LUC7L3: variants seen among roughly 807,000 people sequenced by gnomAD.
LUC7L3 encodes luc7-like protein 3.
Under a neutral mutation model 66.8 loss-of-function variants are expected in LUC7L3, and 6 were observed. That is an observed-to-expected ratio of 0.09 (90% CI 0.05 to 0.18). The LOEUF (loss-of-function observed/expected upper bound fraction) is 0.18. Among genes scored for constraint, LUC7L3 ranks in the 10% least tolerant of loss-of-function variants. LUC7L3 has a pLI of 1.00. For synonymous variants in LUC7L3, 160 were observed against 174.7 expected (o/e 0.92, Z 0.66); for missense variants, 341 against 531.1 (o/e 0.64, Z 3.52).
rs372039139 is a variant in LUC7L3 at position 50,736,945 on chromosome 17, G to T, written c.100-15G>T. The stretch of plus-strand genomic sequence containing the variant: ...ACCAAGCAATTTTTTAAGTACCTTT[G>T]TTTTTCTTTACTAGGTTTGTAAATA... On this transcript the variant is annotated splice_polypyrimidine_tract_variant and intron_variant, in intron 1 of 9. Coordinates refer to ENST00000505658, the MANE Select transcript of LUC7L3 (RefSeq NM_016424.5). The T allele has an allele frequency of 4.4e-6, 7 of 1,581,576 alleles. No individual in the cohort carries two copies. In the African/African-American group the frequency reaches 9.4e-5, roughly 21 times the overall value.
At position 50,740,960 on chromosome 17, in the gene LUC7L3, G is replaced by A. The variant is rs190047990; in HGVS notation, c.207-142G>A. ...CCTGTGTAAAGCTCTATGATGAGGG[G>A]CAATCAGAAAGTCACTTCAAATACA... On this transcript the variant is annotated intron_variant, in intron 3 of 9. Coordinates refer to ENST00000505658, the MANE Select transcript of LUC7L3 (RefSeq NM_016424.5). 7.7e-5 allele frequency: 59 copies of A among 762,806 alleles called. No individual in the cohort carries two copies. In the African/African-American group the frequency reaches 1.0e-3, roughly 13 times the overall value. 47.3% of individuals were successfully genotyped at this position (762,806 alleles called of 1,614,324 possible). A position where few individuals can be genotyped will look rare whatever the true frequency, so the allele number is the denominator to read the frequency against.
chr17:50,743,670 G>T, intron 5 of LUC7L3, 36 bp from the exon 6 acceptor site: 1 of 1,340,252 alleles, frequency 7.5e-7, no homozygotes, highest in South Asian at 1.2e-5. Context: ...GGGTTTGAAA[G>T]AAATCTTAAC....
At chr17:50,726,978 A>G (rs1337829381) in intron 1 of LUC7L3, among the ~76,000 whole-genome samples, 1 of 151,880 alleles carries the variant, frequency 6.6e-6, no homozygotes, top group Non-Finnish European at 1.5e-5. Flanking sequence ...AATCCCAGCT[A>G]CTCAGGAGGC....
chr17:50,724,285 C>T (rs2146688767), intron 1 of LUC7L3: 1 of 163,752 alleles, frequency 6.1e-6, no homozygotes. Flanking sequence ...ATTGGGAGGC[C>T]AAGGCAGGCA....
At chr17:50,732,479 T>C (rs1208600862) in intron 1 of LUC7L3, among the ~76,000 whole-genome samples, 1 of 151,934 alleles carries the variant, frequency 6.6e-6, no homozygotes, top group African/African-American at 2.4e-5. Flanking sequence ...CCTCCTGGGC[T>C]CCAACGACCC....
At chr17:50,733,287 G>A (rs1191992918) in intron 1 of LUC7L3, among the ~76,000 whole-genome samples, 1 of 148,958 alleles carries the variant, frequency 6.7e-6, no homozygotes, top group Non-Finnish European at 1.5e-5. Context: ...TCTATCACCC[G>A]GTGGTGCGAT....
rs1298147835 is a variant in LUC7L3 at position 50,752,217 on chromosome 17, T to C, written c.*1556T>C. The C allele has an allele frequency of 6.2e-6, 8 of 1,286,854 alleles. No individual in the cohort carries two copies. The South Asian group carries it at 7.5e-5, about 12-fold the overall frequency. 79.7% of individuals were successfully genotyped at this position (1,286,854 alleles called of 1,614,324 possible). A position where few individuals can be genotyped will look rare whatever the true frequency, so the allele number is the denominator to read the frequency against. ...CGTTGTAGGACTACTGTTCGAAGAT[T>C]TTTGGAAGAATACTGAGAACGGCAT... On this transcript the variant is annotated 3_prime_UTR_variant, in exon 10 of 10. Transcript: ENST00000505658.
At chr17:50,735,068 T>C (rs1969884162) in intron 1 of LUC7L3, among the ~76,000 whole-genome samples, 2 of 151,956 alleles carry the variant, frequency 1.3e-5, no homozygotes, top group Admixed American at 6.6e-5. Context: ...CCATCTCTAC[T>C]AAAAATTCAA....
intron 1 of LUC7L3, chr17:50,736,522 A>G (rs1969994681): frequency 6.2e-6 from 1 of 160,712 alleles, no homozygotes; most frequent in Admixed American, 6.3e-5. Flanking sequence ...CTAAGCAAAA[A>G]GATGGTGCCA....
In LUC7L3 at chr17:50,729,914, A is replaced by G. The variant is rs1229350721; in HGVS notation, c.100-7046A>G. Among the ~76,000 whole-genome samples, 102 of 39,562 alleles carry G rather than the reference A, an allele frequency of 2.6e-3. No individual in the cohort carries two copies. The East Asian group carries it at 0.072, about 28-fold the overall frequency. The allele number at this position is 39,562 out of a possible 152,430, so 26.0% of individuals were successfully genotyped here. On this transcript the variant is annotated intron_variant, in intron 1 of 9. Coordinates refer to ENST00000505658, the MANE Select transcript of LUC7L3 (RefSeq NM_016424.5). Reference sequence around the variant, plus strand: ...AAATACATTATATATATATATATATATATATATATATATATATATATATAT... The same window carrying G: ...AAATACATTATATATATATATATATGTATATATATATATATATATATATAT...
intron 1 of LUC7L3, chr17:50,722,693 T>G (rs909458836): frequency 6.6e-6 from 1 of 152,244 alleles, no homozygotes; most frequent in Non-Finnish European, 1.5e-5. Flanking sequence ...AAGCGCAGTT[T>G]CAAGTGAAGG....
chr17:50,741,600 T>C, intron 4 of LUC7L3, 57 bp from the exon 5 acceptor site: 1 of 1,072,690 alleles, frequency 9.3e-7, no homozygotes, highest in Non-Finnish European at 1.4e-6. Flanking sequence ...ATGTGCAAGT[T>C]TGCATGTTTA....
intron 1 of LUC7L3, among the ~76,000 whole-genome samples, chr17:50,733,686 G>A (rs987346904): frequency 2.0e-5 from 3 of 152,134 alleles, no homozygotes; most frequent in African/African-American, 7.2e-5. Context: ...CAGGCGTGCA[G>A]CCAGTTCACA....
chr17:50,743,270 C>G (rs1172247053), intron 5 of LUC7L3, among the ~76,000 whole-genome samples: 3 of 152,010 alleles, frequency 2.0e-5, no homozygotes, highest in African/African-American at 7.2e-5. Context: ...ACGATCTTGG[C>G]TCACTGCAGC....
At chr17:50,749,387 A>T in intron 9 of LUC7L3, 1 of 1,258,106 alleles carries the variant, frequency 7.9e-7, no homozygotes, top group East Asian at 5.6e-5. Flanking sequence ...TCACAAGTGG[A>T]CAGACAGACA....
intron 1 of LUC7L3, among the ~76,000 whole-genome samples, chr17:50,731,219 A>G (rs1969585552): frequency 1.3e-5 from 2 of 152,176 alleles, no homozygotes; most frequent in African/African-American, 4.8e-5. Context: ...TCCAGGCTGG[A>G]GTATAGTGGT....
At chr17:50,731,261 C>G (rs1282445707) in intron 1 of LUC7L3, among the ~76,000 whole-genome samples, 1 of 152,152 alleles carries the variant, frequency 6.6e-6, no homozygotes, top group African/African-American at 2.4e-5. Flanking sequence ...CTCTCCCTCC[C>G]GGGTTCAAGC....
intron 1 of LUC7L3, among the ~76,000 whole-genome samples, chr17:50,720,688 A>T (rs1359217438): frequency 1.3e-5 from 2 of 152,236 alleles, no homozygotes; most frequent in East Asian, 1.9e-4. Context: ...CTTTGAGGTT[A>T]TAATCTAACA....
chr17:50,720,149 A>T (rs1315310841), intron 1 of LUC7L3, among the ~76,000 whole-genome samples: 4 of 152,254 alleles, frequency 2.6e-5, no homozygotes, highest in Admixed American at 1.3e-4. Context: ...GTTTCACCTC[A>T]TTATGAAATA....
Sources: gnomAD v4.1 joint callset for allele counts (sites outside exome capture counted in the v4.1 genomes callset) on GRCh38, gnomAD v4.1.1 for gene constraint, MANE v1.5 for transcripts, NCBI Gene and HGNC (gene_info 2026-07-23, HGNC 2026-07-21) for gene names.